The following ROCK1 variants were observed in gnomAD, a reference collection of about 807,000 sequenced individuals.
ROCK1 encodes the protein Rho associated coiled-coil containing protein kinase 1.
In ROCK1, 36 loss-of-function variants were observed where a neutral mutation model predicts 196.8. That is an observed-to-expected ratio of 0.18 (90% CI 0.14 to 0.24). The LOEUF is 0.24. ROCK1 is among the 10% of genes least tolerant of loss of function. The pLI is 1.00. For missense variants in ROCK1, 920 were observed against 1,562.0 expected, an observed-to-expected ratio of 0.59 and a Z score of 6.93; for synonymous variants, 443 against 515.9, an observed-to-expected ratio of 0.86 and a Z score of 1.91.
chr18:20,978,470 A>G (rs2143381568), intron 22 of ROCK1, among the ~76,000 whole-genome samples: 1 of 152,344 alleles, frequency 6.6e-6, no homozygotes, highest in Non-Finnish European at 1.5e-5. Context: ...TATGGTAGAC[A>G]CTAACTGCAT....
chr18:21,098,395 T>C (rs1408862468), intron 1 of ROCK1, among the ~76,000 whole-genome samples: 1 of 152,124 alleles, frequency 6.6e-6, no homozygotes, highest in African/African-American at 2.4e-5. Flanking sequence ...TAAAATTGGA[T>C]GTATCTCAAA....
intron 29 of ROCK1, among the ~76,000 whole-genome samples, chr18:20,957,760 A>T (rs2035258818): frequency 9.5e-6 from 1 of 105,154 alleles, no homozygotes; most frequent in South Asian, 3.2e-4. Context: ...CTGGGATTAC[A>T]GGTGTGAGCC....
intron 2 of ROCK1, among the ~76,000 whole-genome samples, chr18:21,058,903 C>A (rs940617183): frequency 3.9e-5 from 6 of 152,114 alleles, no homozygotes; most frequent in African/African-American, 1.4e-4. Flanking sequence ...AAAATTATTT[C>A]ATGTCCAAAT....
intron 1 of ROCK1, among the ~76,000 whole-genome samples, chr18:21,086,495 G>A (rs2036529327): frequency 6.6e-6 from 1 of 151,948 alleles, no homozygotes; most frequent in African/African-American, 2.4e-5. Flanking sequence ...CCTTGATCAT[G>A]GAAAAGAAAA....
At chr18:21,002,656 A>G (rs1184095091) in intron 16 of ROCK1, among the ~76,000 whole-genome samples, 2 of 152,240 alleles carry the variant, frequency 1.3e-5, no homozygotes, top group Non-Finnish European at 2.9e-5. Flanking sequence ...GCAAATTCCT[A>G]AAGAAACAAA....
intron 1 of ROCK1, among the ~76,000 whole-genome samples, chr18:21,082,553 C>T (rs2036491652): frequency 6.6e-6 from 1 of 152,008 alleles, no homozygotes; most frequent in Non-Finnish European, 1.5e-5. Flanking sequence ...ATGTAATCTA[C>T]CACATTAATA....
At chr18:21,100,524 A>G (rs928867099) in intron 1 of ROCK1, among the ~76,000 whole-genome samples, 1 of 152,138 alleles carries the variant, frequency 6.6e-6, no homozygotes, top group African/African-American at 2.4e-5. Flanking sequence ...CAAGGATGAC[A>G]TAAATTGACT....
At chr18:20,960,066 T>C in intron 28 of ROCK1, 70 bp downstream of exon 28, 4 of 1,165,748 alleles carry the variant, frequency 3.4e-6, no homozygotes, top group Non-Finnish European at 5.1e-6. Flanking sequence ...AAGTAGCTAA[T>C]ATAAGTTCTA....
rs2035559751 is a variant in ROCK1, at chr18:20,984,411, T to G, written c.2429A>C (p.Glu810Ala). ...CTTTGCTTCCAATAAAGTATTTATT[T>G]CCTGTTTCATCTGCTTTTCTAAACC... Reference protein sequence around the residue: ...LKGLEKQMKQEINTLLEAKRL... With the variant: ...LKGLEKQMKQAINTLLEAKRL... The change falls in exon 20 of 33, where the codon GAA (glutamate) becomes GCA (alanine). Residue 810 changes from glutamate to alanine, a missense_variant. This residue lies in a region of ROCK1 where 520 missense variants were observed against 657.1 expected (regional missense o/e 0.79). Transcript: ENST00000399799. 2 of 1,612,332 alleles carry G rather than the reference T, an allele frequency of 1.2e-6. No homozygotes were observed. Among genetic ancestry groups the G allele is most frequent in the Non-Finnish European group, 1.7e-6 (2 of 1,179,272 alleles).
intron 8 of ROCK1, among the ~76,000 whole-genome samples, chr18:21,039,987 G>A (rs1486580052): frequency 6.6e-6 from 1 of 152,142 alleles, no homozygotes; most frequent in African/African-American, 2.4e-5. Flanking sequence ...AACCCGGGAG[G>A]CAGAGGCTAC....
In ROCK1 at chr18:20,960,298, AAT is replaced by A. The variant is rs199588628; in HGVS notation, c.3353-94_3353-93del. The A allele has an allele frequency of 2.9e-3, 2,240 of 773,992 alleles. 34 individuals are homozygous for A. The African/African-American group carries it at 0.035, about 12-fold the overall frequency. The allele number at this position is 773,992 out of a possible 1,614,324, so 47.9% of individuals were successfully genotyped here. On this transcript the variant is annotated intron_variant, in intron 27 of 32. Transcript: ENST00000399799. ...TGTCTGACAGCATGCAGCAACAAGC[AAT>A]TGAACACAACTAAATGAATAAGTGC... is the stretch of plus-strand genomic sequence containing the variant.
intron 28 of ROCK1, 75 bp downstream of exon 28, chr18:20,960,061 G>T: frequency 1.8e-6 from 2 of 1,124,922 alleles, no homozygotes; most frequent in Non-Finnish European, 2.7e-6. Flanking sequence ...AAAAAAAGTA[G>T]CTAATATAAG....
intron 1 of ROCK1, among the ~76,000 whole-genome samples, chr18:21,102,194 ATT>A (rs1354008799): frequency 6.6e-6 from 1 of 152,174 alleles, no homozygotes; most frequent in Non-Finnish European, 1.5e-5. Context: ...AAAAATTGTG[ATT>A]TTGTTTGTCT....
At chr18:21,078,350 AC>A (rs1254946041) in intron 1 of ROCK1, among the ~76,000 whole-genome samples, 4 of 145,296 alleles carry the variant, frequency 2.8e-5, no homozygotes, top group African/African-American at 1.1e-4. Flanking sequence ...CTACACACAC[AC>A]ACACACACAC....
chr18:21,030,237 G>C (rs2035994433), intron 9 of ROCK1, among the ~76,000 whole-genome samples: 2 of 152,086 alleles, frequency 1.3e-5, no homozygotes, highest in Admixed American at 1.3e-4. Flanking sequence ...TTATGGTCTT[G>C]GCATACATTT....
intron 1 of ROCK1, among the ~76,000 whole-genome samples, chr18:21,074,852 G>A (rs1052473174): frequency 6.6e-6 from 1 of 152,162 alleles, no homozygotes; most frequent in Non-Finnish European, 1.5e-5. Flanking sequence ...AAGGCTATTT[G>A]GGGCTTCACA....
At chr18:21,038,908 AAAGT>A (rs1190272833) in intron 9 of ROCK1, among the ~76,000 whole-genome samples, 1 of 152,196 alleles carries the variant, frequency 6.6e-6, no homozygotes, top group African/African-American at 2.4e-5. Flanking sequence ...CTTTTTTTAA[AAAGT>A]AAGAAAGTGT....
At chr18:20,969,242 C>T in intron 23 of ROCK1, 34 bp from the exon 24 acceptor site, 1 of 1,327,616 alleles carries the variant, frequency 7.5e-7, no homozygotes, top group Non-Finnish European at 1.1e-6. Flanking sequence ...AAGCTCCAGC[C>T]TCTTTGCTAT....
At chr18:21,079,313 A>G (rs1235380482) in intron 1 of ROCK1, among the ~76,000 whole-genome samples, 1 of 152,082 alleles carries the variant, frequency 6.6e-6, no homozygotes, top group Non-Finnish European at 1.5e-5. Flanking sequence ...GCTCACCTCC[A>G]TATTTTTCTG....
Sources: allele counts gnomAD v4.1 joint callset (sites outside exome capture counted in the v4.1 genomes callset), GRCh38; gene constraint gnomAD v4.1.1; regional missense constraint gnomAD v4.1.1; transcripts MANE v1.5; gene names NCBI Gene and HGNC (gene_info 2026-07-23, HGNC 2026-07-21).